DPYD: variants seen among roughly 807,000 people sequenced by gnomAD.
DPYD encodes dihydropyrimidine dehydrogenase, also known as dihydropyrimidine dehydrogenase [NADP(+)].
Under a neutral mutation model 116.2 loss-of-function variants are expected in DPYD, and 109 were observed. The observed-to-expected ratio is 0.94, with a 90% CI of 0.80 to 1.10. The LOEUF is 1.10. DPYD is among the 50% of genes least tolerant of loss of function. The pLI, the probability that DPYD is intolerant of heterozygous loss-of-function variation, is 0.00. For synonymous variants in DPYD, 440 were observed against 432.0 expected, an observed-to-expected ratio of 1.02 and a Z score of -0.23; for missense variants, 1,302 against 1,254.5, an observed-to-expected ratio of 1.04 and a Z score of -0.57.
At chr1:97,166,150 C>A (rs1009302288) in intron 20 of DPYD, among the ~76,000 whole-genome samples, 6 of 152,158 alleles carry the variant, frequency 3.9e-5, no homozygotes, top group African/African-American at 1.4e-4. Context: ...TTCATTACAA[C>A]ACTATTTACA....
chr1:97,767,564 G>A (rs911125919), intron 3 of DPYD, among the ~76,000 whole-genome samples: 18 of 152,066 alleles, frequency 1.2e-4, no homozygotes, highest in Admixed American at 2.6e-4. Context: ...GATGAGAGAC[G>A]ACAGGGAGAA....
At chr1:97,223,517 G>T (rs535338538) in intron 19 of DPYD, among the ~76,000 whole-genome samples, 3 of 151,826 alleles carry the variant, frequency 2.0e-5, no homozygotes, top group Non-Finnish European at 4.4e-5. Context: ...AGTCCTTAAG[G>T]TAATGAATTG....
intron 18 of DPYD, among the ~76,000 whole-genome samples, chr1:97,244,533 A>G (rs912295181): frequency 2.6e-5 from 4 of 152,040 alleles, no homozygotes; most frequent in African/African-American, 7.2e-5. Context: ...TTACTGAATT[A>G]AGGACATTAT....
At chr1:97,601,256 T>A (rs1163497020) in intron 8 of DPYD, among the ~76,000 whole-genome samples, 4 of 151,964 alleles carry the variant, frequency 2.6e-5, no homozygotes, top group African/African-American at 9.7e-5. Flanking sequence ...ACATAAAGCA[T>A]GCTGGTAAAT....
intron 8 of DPYD, among the ~76,000 whole-genome samples, chr1:97,673,638 G>C (rs566412208): frequency 6.6e-6 from 1 of 152,202 alleles, no homozygotes; most frequent in Admixed American, 6.6e-5. Context: ...CATGTAACTA[G>C]TGAATTATAA....
intron 1 of DPYD, among the ~76,000 whole-genome samples, chr1:97,902,733 A>G (rs1465003863): frequency 2.0e-5 from 3 of 151,842 alleles, no homozygotes; most frequent in African/African-American, 7.2e-5. Context: ...TTCAGATTCT[A>G]ATGAGATTTC....
intron 1 of DPYD, among the ~76,000 whole-genome samples, chr1:97,891,905 G>GT (rs1051681409): frequency 1.3e-5 from 2 of 151,614 alleles, no homozygotes; most frequent in African/African-American, 4.8e-5. Flanking sequence ...TTCAATACTG[G>GT]TAATTACTTG....
At chr1:97,629,727 C>A (rs974658884) in intron 8 of DPYD, among the ~76,000 whole-genome samples, 1 of 151,960 alleles carries the variant, frequency 6.6e-6, no homozygotes, top group Non-Finnish European at 1.5e-5. Flanking sequence ...TGCTAGAAAT[C>A]TTTGCCATAT....
chr1:97,451,603 A>G (rs993898966), intron 13 of DPYD, among the ~76,000 whole-genome samples: 15 of 152,086 alleles, frequency 9.9e-5, no homozygotes, highest in African/African-American at 3.6e-4. Context: ...ACCATGTTTC[A>G]CAATCCTAAT....
At chr1:97,621,773 T>C (rs1054367744) in intron 8 of DPYD, among the ~76,000 whole-genome samples, 3 of 151,892 alleles carry the variant, frequency 2.0e-5, no homozygotes, top group Non-Finnish European at 1.5e-5. Flanking sequence ...AAGATAAGCC[T>C]AGATCATCTT....
chr1:97,141,005 C>T (rs531134384), intron 20 of DPYD, among the ~76,000 whole-genome samples: 15 of 152,148 alleles, frequency 9.9e-5, no homozygotes, highest in Non-Finnish European at 1.8e-4. Flanking sequence ...GTGGATCATA[C>T]GTCTAATAGA....
At chr1:97,739,389 G>T (rs777686129) in intron 4 of DPYD, among the ~76,000 whole-genome samples, 1 of 151,822 alleles carries the variant, frequency 6.6e-6, no homozygotes, top group Non-Finnish European at 1.5e-5. Flanking sequence ...CACAATAAGC[G>T]GTTTATCTAA....
At chr1:97,842,224 T>C (rs905641983) in intron 2 of DPYD, among the ~76,000 whole-genome samples, 7 of 152,082 alleles carry the variant, frequency 4.6e-5, no homozygotes, top group Admixed American at 4.6e-4. Flanking sequence ...TAAAGTAACA[T>C]TTTTATCAAA....
intron 20 of DPYD, among the ~76,000 whole-genome samples, chr1:97,155,943 G>T (rs12063966): frequency 0.018 from 2,745 of 152,192 alleles, 75 homozygotes; most frequent in African/African-American, 0.059. Context: ...TTAAAATGCA[G>T]ATTGTGATTC....
At chr1:97,723,939 C>G (rs1422134673) in intron 4 of DPYD, among the ~76,000 whole-genome samples, 1 of 151,628 alleles carries the variant, frequency 6.6e-6, no homozygotes, top group Admixed American at 6.6e-5. Context: ...ATGCTAATTT[C>G]TGACAAATAC....
At chr1:97,730,382 C>G (rs1031118459) in intron 4 of DPYD, among the ~76,000 whole-genome samples, 5 of 151,982 alleles carry the variant, frequency 3.3e-5, no homozygotes, top group African/African-American at 1.2e-4. Flanking sequence ...CCATCACGCC[C>G]GGCTAATTTT....
chr1:97,206,951 A>G (rs927485195), intron 19 of DPYD, among the ~76,000 whole-genome samples: 2 of 151,806 alleles, frequency 1.3e-5, no homozygotes, highest in Non-Finnish European at 2.9e-5. Flanking sequence ...AACATACATA[A>G]TTATCTACTT....
chr1:97,377,102 A>T (rs1671679184), intron 15 of DPYD, among the ~76,000 whole-genome samples: 1 of 151,868 alleles, frequency 6.6e-6, no homozygotes, highest in South Asian at 2.1e-4. Context: ...TAAAAAGTGG[A>T]ACTAAGTCAC....
At chr1:97,128,470 A>G (rs1243150198) in intron 20 of DPYD, among the ~76,000 whole-genome samples, 2 of 152,166 alleles carry the variant, frequency 1.3e-5, no homozygotes, top group African/African-American at 4.8e-5. Context: ...CCATTGTTCA[A>G]TAATTCCAAT....
Sources: allele counts gnomAD v4.1 joint callset (sites outside exome capture counted in the v4.1 genomes callset), GRCh38; gene constraint gnomAD v4.1.1; transcripts MANE v1.5; gene names NCBI Gene and HGNC (gene_info 2026-07-23, HGNC 2026-07-21).